TMEM108: variants seen among roughly 807,000 people sequenced by gnomAD.
The protein encoded by TMEM108 is cancer/testis antigen 124.
A neutral mutation model predicts 35.1 loss-of-function variants in TMEM108; 12 were observed. The ratio of observed to expected loss-of-function variants is 0.34; its 90% CI spans 0.22 to 0.55. The LOEUF (loss-of-function observed/expected upper bound fraction) is 0.55, where lower values mean the gene tolerates loss of function less well. Among genes scored for constraint, TMEM108 ranks in the 20% least tolerant of loss-of-function variants. The probability of loss-of-function intolerance (pLI) is 0.89; values close to 1 mark genes in which losing one functional copy is unlikely to be tolerated. For missense variants in TMEM108, 680 were observed against 753.3 expected (o/e 0.90, Z 1.14); for synonymous variants, 287 against 308.6 (o/e 0.93, Z 0.73).
At chr3:133,363,559 C>T (rs930026826) in intron 3 of TMEM108, among the ~76,000 whole-genome samples, 71 of 152,142 alleles carry the variant, frequency 4.7e-4, no homozygotes, top group African/African-American at 1.7e-3. Context: ...GTGCGCACCA[C>T]CACACCCAGC....
intron 2 of TMEM108, among the ~76,000 whole-genome samples, chr3:133,104,559 CTGATATCCATATG>C (rs1944126724): frequency 6.6e-6 from 1 of 152,124 alleles, no homozygotes; most frequent in Non-Finnish European, 1.5e-5. Context: ...AGGTGTTTTT[CTGATATCCATATG>C]CTTCTGTTCA....
At chr3:133,112,818 C>A (rs2107726351) in intron 2 of TMEM108, among the ~76,000 whole-genome samples, 1 of 152,212 alleles carries the variant, frequency 6.6e-6, no homozygotes, top group Non-Finnish European at 1.5e-5. Context: ...ATAGTCAGTT[C>A]TGCTATAAAG....
chr3:133,040,197 TG>T (rs2107667411), intron 1 of TMEM108, among the ~76,000 whole-genome samples: 2 of 126,600 alleles, frequency 1.6e-5, no homozygotes, highest in South Asian at 5.1e-4. Flanking sequence ...TTTTTTTGTT[TG>T]TTTGTTTGTT....
At chr3:133,091,569 C>T (rs543999678) in intron 2 of TMEM108, among the ~76,000 whole-genome samples, 3 of 152,276 alleles carry the variant, frequency 2.0e-5, no homozygotes, top group South Asian at 2.1e-4. Flanking sequence ...CAGGAATTTA[C>T]AAATTAATTA....
At chr3:133,339,547 A>G (rs1382967765) in intron 3 of TMEM108, among the ~76,000 whole-genome samples, 1 of 152,004 alleles carries the variant, frequency 6.6e-6, no homozygotes, top group Non-Finnish European at 1.5e-5. Context: ...CAAATCTTCC[A>G]GACAGAAAAT....
intron 2 of TMEM108, among the ~76,000 whole-genome samples, chr3:133,120,011 G>A (rs181097537): frequency 4.6e-5 from 7 of 152,256 alleles, no homozygotes; most frequent in African/African-American, 1.4e-4. Context: ...CAACTAGGGA[G>A]GAATGTAATT....
intron 2 of TMEM108, among the ~76,000 whole-genome samples, chr3:133,183,987 A>T (rs1029618322): frequency 1.3e-5 from 2 of 152,200 alleles, no homozygotes; most frequent in African/African-American, 4.8e-5. Flanking sequence ...GCACATGATG[A>T]TAAGGGAACA....
intron 3 of TMEM108, among the ~76,000 whole-genome samples, chr3:133,267,160 C>T (rs1946710987): frequency 6.6e-6 from 1 of 151,712 alleles, no homozygotes; most frequent in East Asian, 1.9e-4. Flanking sequence ...TTGACTCGTT[C>T]ATTTATTTAT....
chr3:133,092,715 A>C (rs1468295145), intron 2 of TMEM108, among the ~76,000 whole-genome samples: 2 of 152,184 alleles, frequency 1.3e-5, no homozygotes, highest in Admixed American at 6.5e-5. Context: ...CATTAAGTGA[A>C]CATAACTCCT....
chr3:133,298,687 C>T (rs566826170), intron 3 of TMEM108, among the ~76,000 whole-genome samples: 67 of 152,128 alleles, frequency 4.4e-4, no homozygotes, highest in African/African-American at 1.5e-3. Context: ...ATATTATGCC[C>T]ATGTTACAGG....
At chr3:133,280,513 T>C (rs528231880) in intron 3 of TMEM108, among the ~76,000 whole-genome samples, 2 of 152,356 alleles carry the variant, frequency 1.3e-5, no homozygotes, top group African/African-American at 4.8e-5. Flanking sequence ...AAATTTTCAT[T>C]ACTCATGTAG....
intron 3 of TMEM108, among the ~76,000 whole-genome samples, chr3:133,302,801 TA>T (rs1358235245): frequency 6.6e-6 from 1 of 152,170 alleles, no homozygotes; most frequent in Non-Finnish European, 1.5e-5. Flanking sequence ...ATTGACCCTT[TA>T]GATCAATGTT....
At chr3:133,134,193 T>C (rs911445842) in intron 2 of TMEM108, among the ~76,000 whole-genome samples, 1 of 152,126 alleles carries the variant, frequency 6.6e-6, no homozygotes, top group Non-Finnish European at 1.5e-5. Flanking sequence ...TATTGCATTG[T>C]AAGGGAATGT....
At chr3:133,251,051 G>A (rs551580392) in intron 3 of TMEM108, among the ~76,000 whole-genome samples, 1 of 152,218 alleles carries the variant, frequency 6.6e-6, no homozygotes, top group South Asian at 2.1e-4. Context: ...ATATAGCTTT[G>A]CTGGGTAGTC....
At chr3:133,313,557 G>T (rs2071160981) in intron 3 of TMEM108, among the ~76,000 whole-genome samples, 1 of 152,172 alleles carries the variant, frequency 6.6e-6, no homozygotes, top group Non-Finnish European at 1.5e-5. Flanking sequence ...GTCTTTGTCT[G>T]ACGTTTCCTC....
intron 3 of TMEM108, among the ~76,000 whole-genome samples, chr3:133,253,712 G>C (rs1946504133): frequency 6.6e-6 from 1 of 152,172 alleles, no homozygotes; most frequent in African/African-American, 2.4e-5. Context: ...TAAATCCATA[G>C]GAAGATTTCG....
intron 3 of TMEM108, among the ~76,000 whole-genome samples, chr3:133,319,677 G>C (rs1455267846): frequency 6.6e-6 from 1 of 152,176 alleles, no homozygotes; most frequent in African/African-American, 2.4e-5. Context: ...ATGTTTGGGA[G>C]ACCTGAAGAT....
intron 3 of TMEM108, chr3:133,247,288 C>T (rs1200770431): frequency 2.0e-5 from 3 of 152,100 alleles, no homozygotes; most frequent in African/African-American, 7.2e-5. Flanking sequence ...GAAGTGTCAG[C>T]CTGCCTTTTG....
At chr3:133,225,014 C>A (rs1458851910) in intron 2 of TMEM108, among the ~76,000 whole-genome samples, 1 of 151,296 alleles carries the variant, frequency 6.6e-6, no homozygotes, top group African/African-American at 2.4e-5. Context: ...TTTTCCTAGC[C>A]ATAGCCTCTG....
Sources: gnomAD v4.1 joint callset for allele counts (sites outside exome capture counted in the v4.1 genomes callset) on GRCh38, gnomAD v4.1.1 for gene constraint, MANE v1.5 for transcripts, NCBI Gene and HGNC (gene_info 2026-07-23, HGNC 2026-07-21) for gene names.